The following INVS variants were observed in gnomAD, a reference collection of about 807,000 sequenced individuals.
The protein encoded by INVS is inversion of embryo turning homolog.
A neutral mutation model predicts 108.8 loss-of-function variants in INVS; 86 were observed. The observed-to-expected ratio is 0.79, with a 90% CI of 0.66 to 0.95. The LOEUF is 0.95. INVS is among the 40% of genes least tolerant of loss of function. The pLI, the probability that INVS is intolerant of heterozygous loss-of-function variation, is 0.00. For missense variants in INVS, 1,169 were observed against 1,297.4 expected (o/e 0.90, Z 1.52); for synonymous variants, 455 against 473.5 (o/e 0.96, Z 0.51).
At chr9:100,276,940 TCTTCA>T (rs988125100) in intron 12 of INVS, among the ~76,000 whole-genome samples, 26 of 152,266 alleles carry the variant, frequency 1.7e-4, no homozygotes, top group Admixed American at 1.3e-4. Flanking sequence ...TCCTGAACTT[TCTTCA>T]CTTCACTTAC....
chr9:100,248,389 A>G (rs1832113895), intron 8 of INVS, among the ~76,000 whole-genome samples: 1 of 151,958 alleles, frequency 6.6e-6, no homozygotes, highest in South Asian at 2.1e-4. Context: ...TTCTTTCTTC[A>G]ATGGGGATTT....
intron 3 of INVS, among the ~76,000 whole-genome samples, chr9:100,192,135 G>A (rs950525265): frequency 6.6e-6 from 1 of 152,160 alleles, no homozygotes; most frequent in East Asian, 1.9e-4. Flanking sequence ...TTAAGTTCCT[G>A]TGTTGCTTCT....
intron 3 of INVS, among the ~76,000 whole-genome samples, chr9:100,135,433 G>C (rs758066881): frequency 9.9e-5 from 15 of 152,156 alleles, no homozygotes; most frequent in Non-Finnish European, 1.9e-4. Context: ...AATTCAGCAG[G>C]GCTGGTGTGG....
intron 11 of INVS, among the ~76,000 whole-genome samples, chr9:100,266,318 GA>G (rs1832791908): frequency 6.6e-6 from 1 of 152,148 alleles, no homozygotes. Context: ...AGTTTATTAA[GA>G]AAGGAAAGGA....
At chr9:100,228,933 G>A (rs1396713813) in intron 4 of INVS, among the ~76,000 whole-genome samples, 2 of 152,096 alleles carry the variant, frequency 1.3e-5, no homozygotes, top group Admixed American at 1.3e-4. Context: ...CCGTCAATAG[G>A]AACACATTTC....
chr9:100,207,705 A>G (rs2118275882), intron 3 of INVS, among the ~76,000 whole-genome samples: 1 of 152,390 alleles, frequency 6.6e-6, no homozygotes, highest in African/African-American at 2.4e-5. Flanking sequence ...AAAAAGGATT[A>G]GAAGAGTTTT....
At chr9:100,162,583 A>T (rs12379327) in intron 3 of INVS, among the ~76,000 whole-genome samples, 6 of 152,076 alleles carry the variant, frequency 3.9e-5, no homozygotes, top group Non-Finnish European at 7.3e-5. Context: ...AAATCTTCTC[A>T]GAAGCCCTGT....
intron 3 of INVS, among the ~76,000 whole-genome samples, chr9:100,191,864 T>G (rs1830232281): frequency 6.6e-6 from 1 of 152,196 alleles, no homozygotes; most frequent in South Asian, 2.1e-4. Context: ...TTTAATTTTT[T>G]TATTCCCCCT....
At chr9:100,233,052 C>T (rs1831562716) in intron 5 of INVS, among the ~76,000 whole-genome samples, 3 of 152,030 alleles carry the variant, frequency 2.0e-5, no homozygotes, top group African/African-American at 4.8e-5. Flanking sequence ...TTATAGTTCT[C>T]CTTCAGGGAA....
At chr9:100,232,457 G>A (rs1564168789) in intron 5 of INVS, among the ~76,000 whole-genome samples, 1 of 152,104 alleles carries the variant, frequency 6.6e-6, no homozygotes, top group Non-Finnish European at 1.5e-5. Flanking sequence ...TATCGCCTAG[G>A]TTTTCTTCTA....
intron 5 of INVS, among the ~76,000 whole-genome samples, chr9:100,233,978 T>C (rs563975752): frequency 3.3e-5 from 5 of 152,244 alleles, no homozygotes; most frequent in Admixed American, 2.0e-4. Context: ...TGGTAGAATT[T>C]GGCTGTGAAT....
At chr9:100,156,971 TATTC>T (rs138763243) in intron 3 of INVS, among the ~76,000 whole-genome samples, 31,412 of 150,588 alleles carry the variant, frequency 0.21, 5,566 homozygotes, top group African/African-American at 0.49. Flanking sequence ...TATATAGGGA[TATTC>T]ATTCATCATT....
chr9:100,178,730 C>T lies in INVS; in HGVS notation c.274-47332C>T, dbSNP rs542618317. ...GGAAAACACTCTTCAGGATATTATCCGGGAGAACTTTCCCCACCTAGCAAG... is the reference window on the plus strand; with the variant it reads ...GGAAAACACTCTTCAGGATATTATCTGGGAGAACTTTCCCCACCTAGCAAG... On this transcript the variant is annotated intron_variant, in intron 3 of 16. Transcript: ENST00000262457. 2.6e-5 allele frequency among the ~76,000 whole-genome samples: 4 copies of T among 152,232 alleles called. No individual in the cohort carries two copies. In the South Asian group the frequency reaches 6.2e-4, roughly 24 times the overall value.
chr9:100,247,417 T>C (rs1832079693), intron 8 of INVS, among the ~76,000 whole-genome samples: 1 of 152,180 alleles, frequency 6.6e-6, no homozygotes, highest in Admixed American at 6.6e-5. Flanking sequence ...TCTGCCTCAG[T>C]GTCAACTTGG....
At chr9:100,256,252 G>A (rs558741865) in intron 10 of INVS, among the ~76,000 whole-genome samples, 7 of 152,056 alleles carry the variant, frequency 4.6e-5, no homozygotes, top group Non-Finnish European at 1.0e-4. Flanking sequence ...TGTGGGATTG[G>A]TGGTGATATT....
intron 4 of INVS, among the ~76,000 whole-genome samples, chr9:100,226,810 CAAAA>C (rs59853701): frequency 0.22 from 17,264 of 77,960 alleles, 1,340 homozygotes; most frequent in African/African-American, 0.41. Context: ...GAGACTGTCT[CAAAA>C]AAAAAAAAAA....
intron 3 of INVS, among the ~76,000 whole-genome samples, chr9:100,150,830 C>T (rs1373706661): frequency 6.6e-6 from 1 of 152,076 alleles, no homozygotes; most frequent in East Asian, 1.9e-4. Flanking sequence ...TTTGTACCTC[C>T]TTTAGCTGTT....
At chr9:100,100,382 G>C (rs1826788064) in intron 1 of INVS, among the ~76,000 whole-genome samples, 1 of 150,362 alleles carries the variant, frequency 6.7e-6, no homozygotes. Context: ...AAAGATAGTT[G>C]AAATGGGAAA....
At chr9:100,138,126 C>T (rs1467249367) in intron 3 of INVS, among the ~76,000 whole-genome samples, 1 of 152,144 alleles carries the variant, frequency 6.6e-6, no homozygotes, top group Non-Finnish European at 1.5e-5. Context: ...AACTCCTCAG[C>T]CAGGCATGGT....
Sources: allele counts gnomAD v4.1 joint callset (sites outside exome capture counted in the v4.1 genomes callset), GRCh38; gene constraint gnomAD v4.1.1; transcripts MANE v1.5; gene names NCBI Gene and HGNC (gene_info 2026-07-23, HGNC 2026-07-21).